The following SPDYE10 variants were observed in gnomAD, a reference collection of about 807,000 sequenced individuals.
The protein encoded by SPDYE10 is speedy protein E10.
chr7:73,134,565 G>GAAAGAAAGAAAGAAAGAAAGA, the SPDYE10 span, among the ~76,000 whole-genome samples: 1 of 152,142 alleles, frequency 6.6e-6, no homozygotes, highest in African/African-American at 2.4e-5. Context: ...AAGAAAGAAA[G>GAAAGAAAGAAAGAAAGAAAGA]AAACCGTGCA....
the SPDYE10 span, among the ~76,000 whole-genome samples, chr7:73,121,281 GT>G: frequency 9.6e-6 from 1 of 104,588 alleles, no homozygotes; most frequent in Non-Finnish European, 1.8e-5. Flanking sequence ...GTTGGTTTTG[GT>G]TTTGGTTACT....
chr7:73,123,934 G>GGTTTTTTT, the SPDYE10 span, among the ~76,000 whole-genome samples: 4 of 151,728 alleles, frequency 2.6e-5, no homozygotes, highest in East Asian at 1.9e-4. Flanking sequence ...ATTTTTGTGG[G>GGTTTTTTT]GTTTTTTTGT....
the SPDYE10 span, among the ~76,000 whole-genome samples, chr7:73,143,171 T>G: frequency 6.6e-6 from 1 of 150,796 alleles, no homozygotes; most frequent in Non-Finnish European, 1.5e-5. Context: ...TTCTGCAAAG[T>G]AACTTTGTCC....
the SPDYE10 span, among the ~76,000 whole-genome samples, chr7:73,152,182 T>C: frequency 7.3e-6 from 1 of 136,978 alleles, no homozygotes. Context: ...GCCTGGCTAA[T>C]TTTTGTATTT....
chr7:73,137,692 A>G, the SPDYE10 span, among the ~76,000 whole-genome samples: 13 of 24,324 alleles, frequency 5.3e-4, no homozygotes, highest in Admixed American at 1.4e-3. Context: ...GGGGAGGGAG[A>G]GGGGAAGGGA....
chr7:73,143,956 CA>C, the SPDYE10 span, among the ~76,000 whole-genome samples: 1 of 150,698 alleles, frequency 6.6e-6, no homozygotes, highest in Non-Finnish European at 1.5e-5. Flanking sequence ...CTCAGCCTCG[CA>C]AAGTGCTGGG....
At chr7:73,135,868 G>A in the SPDYE10 span, among the ~76,000 whole-genome samples, 1 of 97,180 alleles carries the variant, frequency 1.0e-5, no homozygotes, top group Non-Finnish European at 2.2e-5. Context: ...CACCGCACCC[G>A]GTCTTTTTTT....
the SPDYE10 span, among the ~76,000 whole-genome samples, chr7:73,126,678 C>CT: frequency 9.3e-5 from 12 of 129,494 alleles, 1 homozygote; most frequent in East Asian, 2.0e-4. Flanking sequence ...AATTTTTTTT[C>CT]TTTTTTTTTC....
At chr7:73,137,569 T>G in the SPDYE10 span, among the ~76,000 whole-genome samples, 2 of 52,752 alleles carry the variant, frequency 3.8e-5, no homozygotes, top group African/African-American at 8.0e-5. Context: ...AAAGAAGAGA[T>G]GAAAGAAAGA....
At chr7:73,150,930 ATATATATATATATATATATTTTT>A in the SPDYE10 span, among the ~76,000 whole-genome samples, 2 of 22,452 alleles carry the variant, frequency 8.9e-5, no homozygotes, top group African/African-American at 4.4e-4. Context: ...ATATATATAT[ATATATATATATATATATATTTTT>A]TTTTTTTTAC....
chr7:73,127,382 C>T, the SPDYE10 span, among the ~76,000 whole-genome samples: 17 of 116,748 alleles, frequency 1.5e-4, no homozygotes, highest in African/African-American at 5.6e-4. Flanking sequence ...GAAACCCTGC[C>T]TCTACTAAAA....
the SPDYE10 span, among the ~76,000 whole-genome samples, chr7:73,144,321 A>C: frequency 6.7e-6 from 1 of 148,256 alleles, no homozygotes; most frequent in African/African-American, 2.6e-5. Context: ...GACACAGAGT[A>C]AAGAAGCTTC....
the SPDYE10 span, among the ~76,000 whole-genome samples, chr7:73,128,076 C>G: frequency 6.6e-6 from 1 of 151,764 alleles, no homozygotes; most frequent in African/African-American, 2.4e-5. Context: ...TGTTCACCAA[C>G]AGGAGACTGG....
chr7:73,144,071 AT>A, the SPDYE10 span, among the ~76,000 whole-genome samples: 1 of 151,562 alleles, frequency 6.6e-6, no homozygotes, highest in Non-Finnish European at 1.5e-5. Flanking sequence ...GTCTCAAATG[AT>A]CCACCCACCT....
chr7:73,142,735 G>A, the SPDYE10 span, among the ~76,000 whole-genome samples: 8 of 152,162 alleles, frequency 5.3e-5, no homozygotes, highest in South Asian at 2.1e-4. Context: ...TCAGGAGTTC[G>A]AGACCAGCTT....
the SPDYE10 span, among the ~76,000 whole-genome samples, chr7:73,134,537 A>AAGAAAGGAAGAAAGAAAGAAAG: frequency 1.4e-5 from 2 of 139,530 alleles, no homozygotes; most frequent in Admixed American, 7.1e-5. Flanking sequence ...GAAAGAAAGA[A>AAGAAAGGAAGAAAGAAAGAAAG]AAAGAAAGAA....
chr7:73,130,293 T>A, the SPDYE10 span, among the ~76,000 whole-genome samples: 1 of 151,466 alleles, frequency 6.6e-6, no homozygotes, highest in Non-Finnish European at 1.5e-5. Context: ...ATCTCTATTA[T>A]TAAAAAAAAA....
At chr7:73,123,660 G>C in the SPDYE10 span, among the ~76,000 whole-genome samples, 2 of 152,226 alleles carry the variant, frequency 1.3e-5, no homozygotes, top group South Asian at 4.1e-4. Flanking sequence ...GTTTCCCCAT[G>C]TTGGCCAGGC....
the SPDYE10 span, among the ~76,000 whole-genome samples, chr7:73,135,021 C>A: frequency 6.6e-6 from 1 of 152,310 alleles, no homozygotes; most frequent in Non-Finnish European, 1.5e-5. Flanking sequence ...CCTGCTGCAG[C>A]CTTGCCTATG....
Sources: allele counts gnomAD v4.1 joint callset (sites outside exome capture counted in the v4.1 genomes callset), GRCh38; gene constraint gnomAD v4.1.1; transcripts MANE v1.5; gene names NCBI Gene and HGNC (gene_info 2026-07-23, HGNC 2026-07-21).